CNOT2: variants seen among roughly 807,000 people sequenced by gnomAD.
The protein encoded by CNOT2 is CC chemokine receptor 4-negative regulator of transcription 2.
CNOT2 carries 7 observed loss-of-function variants against 72.1 expected under a neutral mutation model. The observed-to-expected ratio is 0.10, with a 90% CI of 0.06 to 0.18. The LOEUF (loss-of-function observed/expected upper bound fraction) is 0.18, where lower values mean the gene tolerates loss of function less well. Among genes scored for constraint, CNOT2 ranks in the 10% least tolerant of loss-of-function variants. The probability of loss-of-function intolerance (pLI) is 1.00; values close to 1 mark genes in which losing one functional copy is unlikely to be tolerated. For missense variants in CNOT2, 345 were observed against 660.3 expected (o/e 0.52, Z 5.23); for synonymous variants, 196 against 225.6 (o/e 0.87, Z 1.17).
chr12:70,297,070 T>C (rs1872936055), intron 2 of CNOT2, among the ~76,000 whole-genome samples: 1 of 152,214 alleles, frequency 6.6e-6, no homozygotes. Flanking sequence ...GTTAATTGGC[T>C]ACACCTTGAT....
Position 70,353,836 on chromosome 12 carries a change from A to G in CNOT2, c.1544A>G (p.His515Arg), listed in dbSNP as rs1195196933. 3 of 1,609,222 alleles carry G rather than the reference A, an allele frequency of 1.9e-6. No individual in the cohort carries two copies. The highest frequency in any genetic ancestry group is 2.5e-6 in the Non-Finnish European group (3 of 1,178,818). ...LNWRKVAKEF[H>R]LEYDKLEERP... ...TTGAATTTGTTTTTATAGGAGTTCC[A>G]TCTGGAATATGACAAATTAGAAGAA... The change falls in exon 16 of 16, where the codon CAT becomes CGT. Residue 515 changes from histidine (H) to arginine (R), a missense_variant. By Grantham distance (29) the His-to-Arg change is conservative. Around this residue, in one of 4 missense-constraint regions of CNOT2, gnomAD observed 53 missense variants for 153.4 expected, o/e 0.35. Transcript: ENST00000229195.
chr12:70,259,503 A>T (rs543678249), intron 1 of CNOT2, among the ~76,000 whole-genome samples: 16 of 152,290 alleles, frequency 1.1e-4, no homozygotes, highest in African/African-American at 3.8e-4. Context: ...CCTCAAGTTC[A>T]CTGATTCCAT....
At chr12:70,271,077 A>G (rs1959204232) in intron 1 of CNOT2, among the ~76,000 whole-genome samples, 1 of 152,174 alleles carries the variant, frequency 6.6e-6, no homozygotes, top group Non-Finnish European at 1.5e-5. Context: ...CAGTGGTTTA[A>G]TAATTAATTC....
intron 14 of CNOT2, chr12:70,345,948 A>G (rs1217564097): frequency 2.7e-6 from 1 of 368,550 alleles, no homozygotes; most frequent in African/African-American, 2.1e-5. Flanking sequence ...TTCTTTAGTT[A>G]AATAAAAGTG....
intron 1 of CNOT2, among the ~76,000 whole-genome samples, chr12:70,277,692 A>G (rs1031795066): frequency 6.6e-6 from 1 of 152,194 alleles, no homozygotes; most frequent in Admixed American, 6.5e-5. Context: ...TGTGTGAATA[A>G]CTTGTATTTC....
intron 3 of CNOT2, among the ~76,000 whole-genome samples, chr12:70,315,513 C>T (rs896982407): frequency 2.0e-5 from 3 of 151,916 alleles, no homozygotes; most frequent in Non-Finnish European, 4.4e-5. Context: ...TTTTTAATTG[C>T]TGTCATGGTC....
At chr12:70,260,678 A>G (rs1003540592) in intron 1 of CNOT2, among the ~76,000 whole-genome samples, 1 of 151,634 alleles carries the variant, frequency 6.6e-6, no homozygotes, top group African/African-American at 2.4e-5. Context: ...TGAATTGGCT[A>G]TTTTCTCTCT....
intron 1 of CNOT2, among the ~76,000 whole-genome samples, chr12:70,255,502 A>G (rs1191518123): frequency 6.6e-6 from 1 of 152,110 alleles, no homozygotes; most frequent in African/African-American, 2.4e-5. Context: ...GGCAAGCAGA[A>G]TAGTACTAAA....
chr12:70,328,835 C>A (rs1252673559), intron 4 of CNOT2, among the ~76,000 whole-genome samples: 3 of 150,540 alleles, frequency 2.0e-5, no homozygotes, highest in African/African-American at 7.3e-5. Flanking sequence ...AAAATTTTGT[C>A]TTTTATAGCT....
Position 70,277,076 on chromosome 12 carries a change from G to T in CNOT2, c.-95-1056G>T, listed in dbSNP as rs117200592. Among the ~76,000 whole-genome samples the T allele has an allele frequency of 3.8e-4, 58 of 152,014 alleles. No individual in the cohort carries two copies. In the East Asian group the frequency reaches 0.011, roughly 29 times the overall value. ...TAATTCACTCTCCTTATAAATTATA[G>T]ATTAGATGTTATCTCCTCACAAAAT... On this transcript the variant is annotated intron_variant, in intron 1 of 15. Coordinates refer to ENST00000229195, the MANE Select transcript of CNOT2 (RefSeq NM_014515.7).
At chr12:70,272,002 A>T (rs1179834334) in intron 1 of CNOT2, among the ~76,000 whole-genome samples, 1 of 152,188 alleles carries the variant, frequency 6.6e-6, no homozygotes, top group Admixed American at 6.6e-5. Flanking sequence ...ATAAATGTCC[A>T]TTTGTATTTT....
intron 1 of CNOT2, chr12:70,244,257 T>C (rs560725173): frequency 9.9e-5 from 15 of 152,200 alleles, no homozygotes; most frequent in Non-Finnish European, 2.1e-4. Context: ...CCACAGACGC[T>C]TCTGTCTGTG....
rs1565739833 is a variant in CNOT2 at position 70,262,559 on chromosome 12, G to T, written c.-95-15573G>T. 2.6e-5 allele frequency among the ~76,000 whole-genome samples: 4 copies of T among 152,368 alleles called. No individual in the cohort carries two copies. In the South Asian group the frequency reaches 8.3e-4, roughly 32 times the overall value. ...CAAAGTGCTGGGATTATAGGCGTGA[G>T]CCACGGCGCCCGGCCTAATTACATA... is the stretch of plus-strand genomic sequence containing the variant. On this transcript the variant is annotated intron_variant, in intron 1 of 15. Transcript: ENST00000229195.
rs1027727721 is a variant in CNOT2, at chr12:70,308,031, C to T, written c.49-2864C>T. 8 of 152,214 alleles carry T rather than the reference C, an allele frequency of 5.3e-5. No individual in the cohort carries two copies. The East Asian group carries it at 1.3e-3, about 26-fold the overall frequency. 9.4% of individuals were successfully genotyped at this position (152,214 alleles called of 1,614,324 possible). Reference sequence around the variant, plus strand: ...GTGTACTATATGGTCTAGCCCCAACCAGTCTCTCTGACATGAGTTCCTACC... The same window carrying T: ...GTGTACTATATGGTCTAGCCCCAACTAGTCTCTCTGACATGAGTTCCTACC... On this transcript the variant is annotated intron_variant, in intron 2 of 15. Transcript: ENST00000229195.
At chr12:70,306,914 C>T (rs2135942443) in intron 2 of CNOT2, among the ~76,000 whole-genome samples, 1 of 152,324 alleles carries the variant, frequency 6.6e-6, no homozygotes, top group South Asian at 2.1e-4. Context: ...ACATGTACAG[C>T]ATATTGCTAT....
At chr12:70,292,280 C>A (rs1175274665) in intron 2 of CNOT2, among the ~76,000 whole-genome samples, 1 of 152,124 alleles carries the variant, frequency 6.6e-6, no homozygotes, top group Non-Finnish European at 1.5e-5. Context: ...ATCTGACAAA[C>A]CCCAACTGTG....
chr12:70,307,879 C>T (rs2135945330), intron 2 of CNOT2: 1 of 150,368 alleles, frequency 6.7e-6, no homozygotes, highest in East Asian at 2.0e-4. Context: ...GCCCATTCCT[C>T]ATGGAGTAGC....
rs1284066479 is a variant in CNOT2, at chr12:70,246,718, C to T, written c.-96+3238C>T. On this transcript the variant is annotated intron_variant, in intron 1 of 15. Coordinates refer to ENST00000229195, the MANE Select transcript of CNOT2 (RefSeq NM_014515.7). ...TGGAATGAAAGTTAGGTTTTTATTT[C>T]TTTGGTTTTTCTGTTTGACATCCTT... Among the ~76,000 whole-genome samples the T allele has an allele frequency of 3.3e-5, 5 of 152,244 alleles. No homozygotes were observed. The East Asian group carries it at 9.6e-4, about 29-fold the overall frequency.
At chr12:70,334,619 G>C (rs1880413940) in intron 7 of CNOT2, 2 of 151,962 alleles carry the variant, frequency 1.3e-5, no homozygotes, top group African/African-American at 4.8e-5. Context: ...AGAACCCAAG[G>C]TTATAAGAAT....
Sources: allele counts gnomAD v4.1 joint callset (sites outside exome capture counted in the v4.1 genomes callset), GRCh38; gene constraint gnomAD v4.1.1; regional missense constraint gnomAD v4.1.1; transcripts MANE v1.5; gene names NCBI Gene and HGNC (gene_info 2026-07-23, HGNC 2026-07-21).